PDE4D: variants seen among roughly 807,000 people sequenced by gnomAD.
PDE4D encodes the protein 3',5'-cyclic-AMP phosphodiesterase 4D.
In PDE4D, 24 loss-of-function variants were observed where a neutral mutation model predicts 87.4. The observed-to-expected ratio is 0.27, with a 90% CI of 0.20 to 0.39. PDE4D has a LOEUF of 0.39. Among genes scored for constraint, PDE4D ranks in the 10% least tolerant of loss-of-function variants. The pLI is 1.00. For missense variants in PDE4D, 714 were observed against 1,041.0 expected, an observed-to-expected ratio of 0.69 and a Z score of 4.32; for synonymous variants, 384 against 383.2, an observed-to-expected ratio of 1.00 and a Z score of -0.02.
intron 6 of PDE4D, among the ~76,000 whole-genome samples, chr5:58,993,790 C>T (rs946618069): frequency 6.6e-5 from 10 of 151,932 alleles, no homozygotes; most frequent in African/African-American, 2.2e-4. Flanking sequence ...ACCAGACTGA[C>T]CAGCACAAAT....
chr5:59,561,264 CCA>C (rs1338596954), intron 1 of PDE4D, among the ~76,000 whole-genome samples: 2 of 152,150 alleles, frequency 1.3e-5, no homozygotes, highest in Non-Finnish European at 2.9e-5. Context: ...GTTCTCAGAT[CCA>C]CAGTGGGGTC....
At chr5:60,253,899 T>C (rs1402598425) in intron 1 of PDE4D, among the ~76,000 whole-genome samples, 1 of 152,034 alleles carries the variant, frequency 6.6e-6, no homozygotes, top group East Asian at 1.9e-4. Context: ...GATTCAATGA[T>C]AAATTACCCA....
At chr5:60,047,006 T>C (rs1385507633) in intron 2 of PDE4D, among the ~76,000 whole-genome samples, 1 of 152,200 alleles carries the variant, frequency 6.6e-6, no homozygotes, top group East Asian at 1.9e-4. Context: ...CTGGACTCTT[T>C]TTGGTTGGTA....
At chr5:59,366,311 G>T (rs1554143782) in intron 1 of PDE4D, among the ~76,000 whole-genome samples, 3 of 151,944 alleles carry the variant, frequency 2.0e-5, no homozygotes, top group Non-Finnish European at 4.4e-5. Context: ...AAGACAATTT[G>T]TTTTTTTCTA....
intron 1 of PDE4D, among the ~76,000 whole-genome samples, chr5:60,287,702 G>T (rs1752538321): frequency 6.6e-6 from 1 of 152,144 alleles, no homozygotes. Context: ...ATCCTTGGCA[G>T]AAATAGTTTA....
intron 1 of PDE4D, among the ~76,000 whole-genome samples, chr5:59,665,810 C>T (rs1745987918): frequency 6.6e-6 from 1 of 152,124 alleles, no homozygotes; most frequent in South Asian, 2.1e-4. Context: ...GCTCCCTTGC[C>T]CCTTCTTCCA....
intron 6 of PDE4D, among the ~76,000 whole-genome samples, chr5:59,005,621 T>C (rs1015272535): frequency 6.6e-6 from 1 of 152,204 alleles, no homozygotes; most frequent in Non-Finnish European, 1.5e-5. Flanking sequence ...CTTCACCAAA[T>C]TTAATGAAGA....
intron 1 of PDE4D, among the ~76,000 whole-genome samples, chr5:59,349,343 A>G (rs958731782): frequency 3.3e-5 from 5 of 152,120 alleles, no homozygotes; most frequent in African/African-American, 1.2e-4. Context: ...TGTGGCAAAG[A>G]ACATGATAGA....
At chr5:59,845,180 C>A (rs559084995) in intron 1 of PDE4D, among the ~76,000 whole-genome samples, 1 of 152,220 alleles carries the variant, frequency 6.6e-6, no homozygotes, top group South Asian at 2.1e-4. Context: ...TGATACGCAC[C>A]TGACTCCTGA....
At chr5:59,838,955 G>C (rs1391251141) in intron 1 of PDE4D, among the ~76,000 whole-genome samples, 2 of 151,914 alleles carry the variant, frequency 1.3e-5, no homozygotes, top group Non-Finnish European at 2.9e-5. Flanking sequence ...TTTAATGCTA[G>C]CTGTGAATGT....
At position 59,337,327 on chromosome 5, in the gene PDE4D, C is replaced by CT. The variant is rs1554136221; in HGVS notation, c.456-121360_456-121359insA. Reference sequence around the variant, plus strand: ...AAGTGAAAGGCATTCATAAGTTCCCCCCCCCCCACCTTTTTTTTTTTTTTG... The same window carrying CT: ...AAGTGAAAGGCATTCATAAGTTCCCCTCCCCCCCACCTTTTTTTTTTTTTTG... On this transcript the variant is annotated intron_variant, in intron 1 of 14. Transcript: ENST00000340635. 2.1e-3 allele frequency among the ~76,000 whole-genome samples: 296 copies of CT among 142,826 alleles called. 3 individuals are homozygous for CT. Among genetic ancestry groups the CT allele is most frequent in the African/African-American group, 7.7e-3 (284 of 36,646 alleles). 93.7% of individuals were successfully genotyped at this position (142,826 alleles called of 152,430 possible). A position where few individuals can be genotyped will look rare whatever the true frequency, so the allele number is the denominator to read the frequency against.
chr5:59,433,829 T>C (rs540987392), intron 1 of PDE4D, among the ~76,000 whole-genome samples: 1 of 152,216 alleles, frequency 6.6e-6, no homozygotes, highest in Non-Finnish European at 1.5e-5. Context: ...ATCACTATGC[T>C]AGACGTTGCA....
chr5:59,331,058 G>T (rs915544727), intron 1 of PDE4D, among the ~76,000 whole-genome samples: 1 of 152,108 alleles, frequency 6.6e-6, no homozygotes, highest in Non-Finnish European at 1.5e-5. Context: ...TGATCCCATT[G>T]TAGTAGTTGA....
chr5:60,377,150 A>T (rs995196015), intron 1 of PDE4D, among the ~76,000 whole-genome samples: 2 of 152,210 alleles, frequency 1.3e-5, no homozygotes, highest in Admixed American at 1.3e-4. Flanking sequence ...TCTCGCCTAT[A>T]GCATTCCTCA....
At chr5:59,247,722 T>A (rs35310) in intron 1 of PDE4D, among the ~76,000 whole-genome samples, 31,310 of 151,922 alleles carry the variant, frequency 0.21, 3,545 homozygotes, top group Non-Finnish European at 0.25. Context: ...CACTTGAACC[T>A]CACCTGCTGC....
At chr5:59,466,142 C>CA (rs1301302239) in intron 1 of PDE4D, among the ~76,000 whole-genome samples, 1 of 152,112 alleles carries the variant, frequency 6.6e-6, no homozygotes, top group East Asian at 1.9e-4. Context: ...GAAAGTAATA[C>CA]AACAAACTGA....
At chr5:59,571,868 T>C (rs190474592) in intron 1 of PDE4D, among the ~76,000 whole-genome samples, 15 of 152,352 alleles carry the variant, frequency 9.8e-5, no homozygotes, top group Non-Finnish European at 1.6e-4. Flanking sequence ...AATAGCCATG[T>C]CACACATTTC....
intron 1 of PDE4D, among the ~76,000 whole-genome samples, chr5:60,227,554 A>C (rs1451154709): frequency 1.5e-5 from 2 of 135,942 alleles, no homozygotes; most frequent in South Asian, 2.8e-4. Flanking sequence ...GAGGAAGGGT[A>C]GAAGGGAGGG....
rs148064312 is a variant in PDE4D, at chr5:60,174,820, C to T, written c.42+10737G>A. Among the ~76,000 whole-genome samples the T allele has an allele frequency of 6.1e-3, 926 of 152,042 alleles. 8 individuals carry two copies. Among genetic ancestry groups the T allele is most frequent in the African/African-American group, 0.021 (879 of 41,462 alleles). ...TCTTTAGGTAATTTATCATTCCCTC[C>T]CTCTGGTTGCCTTTAAGGTTTTCTC... On this transcript the variant is annotated intron_variant, in intron 2 of 16. Transcript: ENST00000502484.
Sources: allele counts gnomAD v4.1 joint callset (sites outside exome capture counted in the v4.1 genomes callset), GRCh38; gene constraint gnomAD v4.1.1; transcripts MANE v1.5; gene names NCBI Gene and HGNC (gene_info 2026-07-23, HGNC 2026-07-21).